The following SH2B3 variants were observed in gnomAD, a reference collection of about 807,000 sequenced individuals.
SH2B3 encodes SH2B adapter protein 3.
SH2B3 carries 43 observed loss-of-function variants against 51.9 expected under a neutral mutation model. The ratio of observed to expected loss-of-function variants is 0.83; its 90% CI spans 0.65 to 1.07. The LOEUF (loss-of-function observed/expected upper bound fraction) is 1.07. SH2B3 is among the 50% of genes least tolerant of loss of function. The pLI is 0.00. For synonymous variants in SH2B3, 396 were observed against 376.0 expected, an observed-to-expected ratio of 1.05 and a Z score of -0.62; for missense variants, 952 against 834.3, an observed-to-expected ratio of 1.14 and a Z score of -1.74.
chr12:111,434,538 G>A (rs996456021), intron 2 of SH2B3, among the ~76,000 whole-genome samples: 3 of 152,198 alleles, frequency 2.0e-5, no homozygotes, highest in Non-Finnish European at 4.4e-5. Context: ...TTTCCGATTT[G>A]ACTTTTCAAT....
Position 111,448,447 on chromosome 12 carries a change from C to T in SH2B3, c.*145C>T, listed in dbSNP as rs1345752790. 5 of 665,442 alleles carry T rather than the reference C, an allele frequency of 7.5e-6. No homozygotes were observed. The highest frequency in any genetic ancestry group is 3.6e-5 in the African/African-American group (2 of 54,914). 41.2% of individuals were successfully genotyped at this position (665,442 alleles called of 1,614,324 possible). A position where few individuals can be genotyped will look rare whatever the true frequency, so the allele number is the denominator to read the frequency against. ...TGCTCGTGCCAGTTTGGAAGTGACC[C>T]TTCTATTAGGCCTGTTGAAGGGCCC... On this transcript the variant is annotated 3_prime_UTR_variant, in exon 8 of 8. Transcript: ENST00000341259.
chr12:111,411,857 C>T (rs1029379914), intron 1 of SH2B3, among the ~76,000 whole-genome samples: 1 of 152,212 alleles, frequency 6.6e-6, no homozygotes, highest in Admixed American at 6.5e-5. Flanking sequence ...CATCATCCTG[C>T]CCCTCACCTG....
rs181829530 is a variant in SH2B3, at chr12:111,439,535, C to T, written c.733-7218C>T. On this transcript the variant is annotated intron_variant, in intron 2 of 7. Transcript: ENST00000341259. ...TCCTGACCTTGTGATCTGCCCGCCT[C>T]GGCCTCCCAAAGTGCTGGGATTACA... Among the ~76,000 whole-genome samples, 1,097 of 152,286 alleles carry T rather than the reference C, an allele frequency of 7.2e-3. 10 individuals carry two copies. Among genetic ancestry groups the T allele is most frequent in the African/African-American group, 0.025 (1,025 of 41,550 alleles).
At chr12:111,422,322 C>T (rs1022581405) in intron 2 of SH2B3, among the ~76,000 whole-genome samples, 2 of 152,118 alleles carry the variant, frequency 1.3e-5, no homozygotes, top group Admixed American at 6.5e-5. Context: ...CCGGTGGCTG[C>T]GTTCCTGGAT....
At chr12:111,427,378 T>C (rs1593049742) in intron 2 of SH2B3, among the ~76,000 whole-genome samples, 2 of 104,254 alleles carry the variant, frequency 1.9e-5, no homozygotes, top group African/African-American at 3.9e-5. Flanking sequence ...AGAGCAAGAC[T>C]CCATCTCAGG....
rs969611629 is a variant in SH2B3, at chr12:111,418,165, A to AGCCCTCCTC, written c.27_35dup (p.Pro11_Ser13dup). On this transcript the variant is annotated inframe_insertion, in exon 2 of 8. Coordinates refer to ENST00000341259, the MANE Select transcript of SH2B3 (RefSeq NM_005475.3). This position sits in a 1 kb window ranked among gnomAD's most constrained non-coding sequence, Gnocchi z 6.7. ...TCCGCCATGAACGGGCCTGCCCTGC[A>AGCCCTCCTC]GCCCTCCTCGCCCTCTTCCGCGCCC... 61 of 1,537,500 alleles carry AGCCCTCCTC rather than the reference A, an allele frequency of 4.0e-5. No homozygotes were observed. Among genetic ancestry groups the AGCCCTCCTC allele is most frequent in the Non-Finnish European group, 5.2e-5 (60 of 1,156,424 alleles).
chr12:111,411,105 C>T (rs1210035082), intron 1 of SH2B3, among the ~76,000 whole-genome samples: 1 of 150,822 alleles, frequency 6.6e-6, no homozygotes, highest in African/African-American at 2.4e-5. Context: ...GTGGTTCACA[C>T]TTGTAATCCC....
chr12:111,430,949 C>A (rs1357459066), intron 2 of SH2B3, among the ~76,000 whole-genome samples: 2 of 151,914 alleles, frequency 1.3e-5, no homozygotes, highest in East Asian at 3.9e-4. Context: ...TGCTGGAAAT[C>A]CCCCACCCAG....
intron 2 of SH2B3, among the ~76,000 whole-genome samples, chr12:111,423,907 G>T (rs1049239179): frequency 2.0e-5 from 3 of 152,220 alleles, no homozygotes; most frequent in African/African-American, 4.8e-5. Context: ...GAGGTCAGGA[G>T]CTCGAGACCA....
chr12:111,437,632 A>G (rs1455104110), intron 2 of SH2B3, among the ~76,000 whole-genome samples: 1 of 152,116 alleles, frequency 6.6e-6, no homozygotes, highest in Non-Finnish European at 1.5e-5. Context: ...AGGGTCTGTG[A>G]AGGAGGGGCC....
chr12:111,430,079 G>A (rs1482216830), intron 2 of SH2B3, among the ~76,000 whole-genome samples: 1 of 152,204 alleles, frequency 6.6e-6, no homozygotes, highest in Non-Finnish European at 1.5e-5. Context: ...GGGTAGGAAC[G>A]GAGGTCCCAT....
At chr12:111,426,284 T>C (rs1871988095) in intron 2 of SH2B3, among the ~76,000 whole-genome samples, 1 of 152,120 alleles carries the variant, frequency 6.6e-6, no homozygotes, top group Non-Finnish European at 1.5e-5. Context: ...AGGGGAAGGT[T>C]AGAGTTATAT....
At chr12:111,405,592 T>A (rs560819835), upstream of SH2B3, among the ~76,000 whole-genome samples, 358 of 151,952 alleles carry the variant, frequency 2.4e-3, 1 homozygote, top group African/African-American at 8.2e-3. The surrounding 1 kb of genome is among the most constrained non-coding windows in gnomAD (Gnocchi z 5.4). Context: ...GTTGAGTGGG[T>A]GGGGCTAAAG....
rs889415042 is a variant in SH2B3, at chr12:111,406,835, C to T, written c.-28+558C>T. 6.6e-6 allele frequency among the ~76,000 whole-genome samples: 1 copy of T among 152,184 alleles called. No homozygotes were observed. Among genetic ancestry groups the T allele is most frequent in the Admixed American group, 6.5e-5 (1 of 15,270 alleles). ...GCCGAGGTCGACCGGGCCAGGCCCC[C>T]GCATGCTGCTGAATTGGGCGGTTCA... On this transcript the variant is annotated intron_variant, in intron 1 of 7. Coordinates refer to ENST00000341259, the MANE Select transcript of SH2B3 (RefSeq NM_005475.3). This position sits in a 1 kb window ranked among gnomAD's most constrained non-coding sequence, Gnocchi z 5.7.
At chr12:111,421,709 G>A (rs1025596994) in intron 2 of SH2B3, among the ~76,000 whole-genome samples, 5 of 152,054 alleles carry the variant, frequency 3.3e-5, no homozygotes, top group African/African-American at 1.2e-4. Context: ...GAGCCACCAC[G>A]CCCAGCCGGG....
At chr12:111,414,852 T>C (rs1201631229) in intron 1 of SH2B3, among the ~76,000 whole-genome samples, 2 of 152,188 alleles carry the variant, frequency 1.3e-5, no homozygotes, top group Non-Finnish European at 2.9e-5. Context: ...TGCATTCCCT[T>C]TCATGGGTTC....
intron 2 of SH2B3, chr12:111,434,719 CCTTTTT>C: frequency 7.3e-7 from 1 of 1,376,598 alleles, no homozygotes; most frequent in South Asian, 1.6e-5. Flanking sequence ...GTCTTGGTTT[CCTTTTT>C]CACTTTTAAT....
chr12:111,421,276 G>A (rs1871530064), intron 2 of SH2B3, among the ~76,000 whole-genome samples: 1 of 151,980 alleles, frequency 6.6e-6, no homozygotes, highest in South Asian at 2.1e-4. Context: ...CCCAGTAGCT[G>A]GGATCACCGT....
At position 111,418,608 on chromosome 12, in the gene SH2B3, C is replaced by G. The variant is rs774386685; in HGVS notation, c.463C>G (p.Pro155Ala). 1.3e-6 allele frequency: 2 copies of G among 1,489,346 alleles called. No homozygotes were observed. Among genetic ancestry groups the G allele is most frequent in the Non-Finnish European group, 1.8e-6 (2 of 1,128,248 alleles). The allele number at this position is 1,489,346 out of a possible 1,614,324, so 92.3% of individuals were successfully genotyped here. A position where few individuals can be genotyped will look rare whatever the true frequency, so the allele number is the denominator to read the frequency against. ...CCGCCGCCGCTCGGCCGGGGAGCTG[C>G]CAGCGGCCCACACCGCTGCCGCCCC... Reference protein sequence around the residue: ...IFRRRSAGELPAAHTAAAPGT... With the variant: ...IFRRRSAGELAAAHTAAAPGT... The change falls in exon 2 of 8, where the codon CCA becomes GCA. Residue 155 changes from proline to alanine, a missense_variant. By Grantham distance (27) the Pro-to-Ala change is conservative. Transcript: ENST00000341259. This position sits in a 1 kb window ranked among gnomAD's most constrained non-coding sequence, Gnocchi z 6.7.
Sources: gnomAD v4.1 joint callset for allele counts (sites outside exome capture counted in the v4.1 genomes callset) on GRCh38, gnomAD v4.1.1 for gene constraint, Gnocchi (gnomAD v3.1) non-coding constraint, MANE v1.5 for transcripts, NCBI Gene and HGNC (gene_info 2026-07-23, HGNC 2026-07-21) for gene names.